Variants in INPP5A observed in about 807,000 individuals in gnomAD.
INPP5A encodes the protein inositol polyphosphate-5-phosphatase A.
In INPP5A, 14 loss-of-function variants were observed where a neutral mutation model predicts 65.2. The ratio of observed to expected loss-of-function variants is 0.21; its 90% CI spans 0.14 to 0.34. The LOEUF (loss-of-function observed/expected upper bound fraction) is 0.34, where lower values mean the gene tolerates loss of function less well. Ranked by LOEUF, INPP5A falls within the 10% of genes least tolerant of loss-of-function variation. INPP5A has a pLI of 1.00. For missense variants in INPP5A, 431 were observed against 545.6 expected (o/e 0.79, Z 2.09); for synonymous variants, 207 against 208.3 (o/e 0.99, Z 0.05).
intron 8 of INPP5A, 146 bp downstream of exon 8, chr10:132,710,602 A>G (rs1405745595): frequency 1.8e-6 from 2 of 1,124,548 alleles, no homozygotes; most frequent in East Asian, 2.7e-5. Flanking sequence ...TGGACAGGTC[A>G]GTGTGGATGG....
At chr10:132,567,359 T>C (rs185325655) in intron 1 of INPP5A, among the ~76,000 whole-genome samples, 12 of 152,378 alleles carry the variant, frequency 7.9e-5, no homozygotes, top group Admixed American at 7.8e-4. Context: ...TTCCCCAAGA[T>C]GGTCTTGAAC....
intron 1 of INPP5A, among the ~76,000 whole-genome samples, chr10:132,592,557 A>T (rs2071631803): frequency 6.6e-6 from 1 of 152,134 alleles, no homozygotes; most frequent in African/African-American, 2.4e-5. Context: ...CTGGGACTAC[A>T]GGCGGGCGCC....
chr10:132,595,940 T>A (rs1435278488), intron 1 of INPP5A, among the ~76,000 whole-genome samples: 1 of 152,180 alleles, frequency 6.6e-6, no homozygotes, highest in East Asian at 1.9e-4. Flanking sequence ...TTTGTATTGT[T>A]CTTTGAGACC....
Position 132,698,305 on chromosome 10 carries a change from G to A in INPP5A, c.474+386G>A, listed in dbSNP as rs920135583. ...CAGTGGCTGACAGTCCTGTGTGCCC[G>A]TGGTGTGAGTGTGGGGCAGGGGCAC... On this transcript the variant is annotated intron_variant, in intron 6 of 15. Coordinates refer to ENST00000368594, the MANE Select transcript of INPP5A (RefSeq NM_005539.5). This position sits in a 1 kb window ranked among gnomAD's most constrained non-coding sequence, Gnocchi z 5.5. 4.6e-5 allele frequency among the ~76,000 whole-genome samples: 7 copies of A among 152,230 alleles called. No individual in the cohort carries two copies. Among genetic ancestry groups the A allele is most frequent in the African/African-American group, 1.2e-4 (5 of 41,460 alleles).
At chr10:132,596,308 G>A (rs2819727) in intron 1 of INPP5A, among the ~76,000 whole-genome samples, 378 of 152,316 alleles carry the variant, frequency 2.5e-3, no homozygotes, top group Non-Finnish European at 3.9e-3. Context: ...AAAGGGTGTC[G>A]TGGTAGGCAG....
chr10:132,567,667 A>G (rs897582753), intron 1 of INPP5A, among the ~76,000 whole-genome samples: 1 of 152,178 alleles, frequency 6.6e-6, no homozygotes, highest in Non-Finnish European at 1.5e-5. Flanking sequence ...TGTGGTGAAG[A>G]TGCGGGGCTC....
intron 4 of INPP5A, among the ~76,000 whole-genome samples, chr10:132,657,449 C>T (rs2072672044): frequency 6.6e-6 from 1 of 152,194 alleles, no homozygotes; most frequent in Non-Finnish European, 1.5e-5. Flanking sequence ...GCACAGATGC[C>T]CTTTGCAAGT....
chr10:132,712,362 C>T (rs920879730), intron 8 of INPP5A, among the ~76,000 whole-genome samples: 3 of 150,494 alleles, frequency 2.0e-5, no homozygotes, highest in African/African-American at 7.3e-5. Context: ...TGTGTGTGTT[C>T]GTGTGTGCAT....
At chr10:132,743,888 G>GTT (rs1846321658) in intron 9 of INPP5A, among the ~76,000 whole-genome samples, 1 of 152,362 alleles carries the variant, frequency 6.6e-6, no homozygotes, top group South Asian at 2.1e-4. Flanking sequence ...GAGCCTCCTG[G>GTT]TTTTAGTGCA....
At chr10:132,764,426 G>A (rs1339655118) in intron 11 of INPP5A, among the ~76,000 whole-genome samples, 1 of 151,158 alleles carries the variant, frequency 6.6e-6, no homozygotes, top group Non-Finnish European at 1.5e-5. Flanking sequence ...GGTCGGGTCA[G>A]TCCTGCTGCG....
Position 132,707,749 on chromosome 10 carries a change from C to T in INPP5A, c.475-564C>T, listed in dbSNP as rs75409403. The stretch of plus-strand genomic sequence containing the variant: ...TAGACCAGAGCTCAGGCTCTACGTT[C>T]GGTGGCTCTGCTAGGTGGTGGGGAT... On this transcript the variant is annotated intron_variant, in intron 6 of 15. Coordinates refer to ENST00000368594, the MANE Select transcript of INPP5A (RefSeq NM_005539.5). The surrounding 1 kb of genome is among the most constrained non-coding windows in gnomAD (Gnocchi z 5.5). Among the ~76,000 whole-genome samples, 1,752 of 152,258 alleles carry T rather than the reference C, an allele frequency of 0.012. 16 individuals are homozygous for T. Among genetic ancestry groups the T allele is most frequent in the Non-Finnish European group, 0.018 (1,252 of 68,024 alleles).
At chr10:132,724,816 C>G (rs530566626) in intron 8 of INPP5A, among the ~76,000 whole-genome samples, 1 of 149,682 alleles carries the variant, frequency 6.7e-6, no homozygotes, top group Admixed American at 6.6e-5. Context: ...GGGCCCCAGG[C>G]TAGCAGGAGC....
At chr10:132,708,579 T>C in intron 7 of INPP5A, 1 of 686,180 alleles carries the variant, frequency 1.5e-6, no homozygotes. Flanking sequence ...GACATCTGGG[T>C]GCCCAGTGCC....
At chr10:132,688,863 A>C (rs942597097) in intron 4 of INPP5A, among the ~76,000 whole-genome samples, 3 of 150,906 alleles carry the variant, frequency 2.0e-5, no homozygotes, top group Non-Finnish European at 4.4e-5. Flanking sequence ...TGTGTGCATG[A>C]GTTAGTGCAT....
At chr10:132,763,657 ATG>A (rs1206180751) in intron 11 of INPP5A, among the ~76,000 whole-genome samples, 7 of 85,214 alleles carry the variant, frequency 8.2e-5, no homozygotes, top group South Asian at 8.4e-4. Flanking sequence ...GCACACACAC[ATG>A]CCTGTGCACA....
At chr10:132,605,058 G>A (rs1239489693) in intron 1 of INPP5A, among the ~76,000 whole-genome samples, 1 of 151,886 alleles carries the variant, frequency 6.6e-6, no homozygotes, top group Non-Finnish European at 1.5e-5. Flanking sequence ...CTGGCTGCCT[G>A]TGGAGTGTAG....
intron 2 of INPP5A, among the ~76,000 whole-genome samples, chr10:132,614,840 A>G (rs1251664569): frequency 2.0e-5 from 3 of 152,172 alleles, no homozygotes; most frequent in East Asian, 1.9e-4. Context: ...CACCCCTTCT[A>G]TCCTACAAGG....
In INPP5A at chr10:132,780,836, T is replaced by C. The variant is rs1323976469; in HGVS notation, c.1090-13T>C. On this transcript the variant is annotated splice_polypyrimidine_tract_variant and intron_variant, in intron 13 of 15. Transcript: ENST00000368594. ...CACCTCCCCACACTCACCTGTCTGT[T>C]TCCCCTTTCCAGTCGGAGAGCGAGG... is the stretch of plus-strand genomic sequence containing the variant. 3 of 1,612,686 alleles carry C rather than the reference T, an allele frequency of 1.9e-6. No homozygotes were observed. The highest frequency in any genetic ancestry group is 2.2e-5 in the South Asian group (2 of 91,076).
intron 3 of INPP5A, among the ~76,000 whole-genome samples, chr10:132,647,973 G>A (rs1435039920): frequency 2.0e-5 from 3 of 152,182 alleles, no homozygotes; most frequent in African/African-American, 7.2e-5. Flanking sequence ...GAAAAATGTG[G>A]CCATGTTTGA....
Sources: gnomAD v4.1 joint callset for allele counts (sites outside exome capture counted in the v4.1 genomes callset) on GRCh38, gnomAD v4.1.1 for gene constraint, Gnocchi (gnomAD v3.1) non-coding constraint, MANE v1.5 for transcripts, NCBI Gene and HGNC (gene_info 2026-07-23, HGNC 2026-07-21) for gene names.